Variants in COL1A1 observed in about 807,000 individuals in gnomAD.
The protein encoded by COL1A1 is collagen type I alpha 1 chain, also known as collagen alpha-1(I) chain.
Under a neutral mutation model 195.7 loss-of-function variants are expected in COL1A1, and 21 were observed. The ratio of observed to expected loss-of-function variants is 0.11; its 90% CI spans 0.08 to 0.15. The LOEUF (loss-of-function observed/expected upper bound fraction) is 0.15. Among genes scored for constraint, COL1A1 ranks in the 10% least tolerant of loss-of-function variants. The pLI is 1.00. For missense variants in COL1A1, 1,365 were observed against 2,051.0 expected, an observed-to-expected ratio of 0.67 and a Z score of 6.46; for synonymous variants, 749 against 747.3, an observed-to-expected ratio of 1.00 and a Z score of -0.04.
In COL1A1 at chr17:50,195,844, C is replaced by A. The variant is rs958399216; in HGVS notation, c.1056+79G>T. Reference sequence around the variant, plus strand: ...GGGCTGCTCTCTTGCCACTCTGGGTCCCTTTGGTTTGGGGAACAGGGAGAC... The same window carrying A: ...GGGCTGCTCTCTTGCCACTCTGGGTACCTTTGGTTTGGGGAACAGGGAGAC... On this transcript the variant is annotated intron_variant, in intron 16 of 50. Coordinates refer to ENST00000225964, the MANE Select transcript of COL1A1 (RefSeq NM_000088.4). This position sits in a 1 kb window ranked among gnomAD's most constrained non-coding sequence, Gnocchi z 4.3. The A allele has an allele frequency of 2.0e-6, 3 of 1,513,910 alleles. No individual in the cohort carries two copies. The highest frequency in any genetic ancestry group is 3.9e-5 in the Admixed American group (2 of 51,004). 93.8% of individuals were successfully genotyped at this position (1,513,910 alleles called of 1,614,324 possible).
At chr17:50,201,280 G>C (rs1220116858) in intron 1 of COL1A1, 131 bp downstream of exon 1, 2 of 865,390 alleles carry the variant, frequency 2.3e-6, no homozygotes, top group Admixed American at 2.0e-5. Context: ...CGCCGAGGAA[G>C]AGCCCTCATC....
rs41316667 is a variant in COL1A1 at position 50,192,994 on chromosome 17, G to A, written c.1821C>T (p.Val607=). Residue 607 remains valine (V), a splice_region_variant and synonymous_variant, in exon 26 of 51, where the codon GTC becomes GTT. Coordinates refer to ENST00000225964, the MANE Select transcript of COL1A1 (RefSeq NM_000088.4). ...GTAGGGATGGAAAGGAGATACTTAC[G>A]ACAGCGCCAGGGGGTCCGGGAACAC... ...ERGVPGPPGA[V]GPAGKDGEAG... is the part of the protein sequence containing the mutation. 2,206 of 1,613,670 alleles carry A rather than the reference G, an allele frequency of 1.4e-3. 29 individuals carry two copies. The African/African-American group carries it at 0.025, about 19-fold the overall frequency.
Position 50,186,193 on chromosome 17 carries a change from C to G in COL1A1, c.4005+124G>C. 1 of 1,520,732 alleles carries G rather than the reference C, an allele frequency of 6.6e-7. No homozygotes were observed. Among genetic ancestry groups the G allele is most frequent in the Non-Finnish European group, 9.0e-7 (1 of 1,111,198 alleles). The allele number at this position is 1,520,732 out of a possible 1,614,324, so 94.2% of individuals were successfully genotyped here. ...TGAACCACTATCAGGGACCTGAGAC[C>G]CCTGCCTCCCAGCCCAGCTCTGTCC... On this transcript the variant is annotated intron_variant, in intron 49 of 50. Transcript: ENST00000225964. The surrounding 1 kb of genome is among the most constrained non-coding windows in gnomAD (Gnocchi z 5.3).
At chr17:50,196,419 C>G (rs1305702839) in intron 13 of COL1A1, 52 bp from the exon 14 acceptor site, 3 of 1,613,980 alleles carry the variant, frequency 1.9e-6, no homozygotes, top group Non-Finnish European at 2.5e-6. Context: ...GCCTTGTTCC[C>G]CCAGGCCTCC....
At chr17:50,196,231 C>T in intron 14 of COL1A1, 32 bp from the exon 15 acceptor site, 1 of 1,613,752 alleles carries the variant, frequency 6.2e-7, no homozygotes, top group Non-Finnish European at 8.5e-7. Context: ...CCGTTAAGTC[C>T]ACTGAGCACT....
rs1459362591 is a variant in COL1A1 at position 50,190,755 on chromosome 17, G to A, written c.2343+62C>T. 40 of 1,533,446 alleles carry A rather than the reference G, an allele frequency of 2.6e-5. No homozygotes were observed. Among genetic ancestry groups the A allele is most frequent in the African/African-American group, 1.8e-4 (13 of 73,244 alleles). The allele number at this position is 1,533,446 out of a possible 1,614,324, so 95.0% of individuals were successfully genotyped here. A position where few individuals can be genotyped will look rare whatever the true frequency, so the allele number is the denominator to read the frequency against. The stretch of plus-strand genomic sequence containing the variant: ...TCTCCCAACGCAACCCCACGGAACC[G>A]TGCCCAGGCCTGCTGAGGAGGCTAT... On this transcript the variant is annotated intron_variant, in intron 33 of 50. Coordinates refer to ENST00000225964, the MANE Select transcript of COL1A1 (RefSeq NM_000088.4). The surrounding 1 kb of genome is among the most constrained non-coding windows in gnomAD (Gnocchi z 4.7).
At chr17:50,187,739 A>T in intron 45 of COL1A1, 137 bp downstream of exon 45, 2 of 966,670 alleles carry the variant, frequency 2.1e-6, no homozygotes, top group East Asian at 2.5e-5. Flanking sequence ...CTACTTGGAC[A>T]TGCCCACAAA....
At chr17:50,193,439 C>A in intron 25 of COL1A1, 1 of 327,408 alleles carries the variant, frequency 3.1e-6, no homozygotes, top group Non-Finnish European at 5.6e-6. Context: ...GAGCAGTGGT[C>A]ATGGAGCCTG....
Position 50,188,536 on chromosome 17 carries a change from A to T in COL1A1, c.3201T>A (p.Gly1067=). 6.2e-7 allele frequency: 1 copy of T among 1,614,006 alleles called. No individual in the cohort carries two copies. Among genetic ancestry groups the T allele is most frequent in the Non-Finnish European group, 8.5e-7 (1 of 1,179,980 alleles). ...CTGGAGCCCAGCTACTTACAGTCTC[A>T]CCACGATCACCACTCTTGCCAGCAG... ...VGPAGKSGDR[G]ETGPAGPAGP... Residue 1067 remains glycine, a synonymous_variant, in exon 43 of 51, where the codon GGT becomes GGA. Coordinates refer to ENST00000225964, the MANE Select transcript of COL1A1 (RefSeq NM_000088.4). This position sits in a 1 kb window ranked among gnomAD's most constrained non-coding sequence, Gnocchi z 5.6.
At chr17:50,200,049 C>T in intron 1 of COL1A1, 102 bp from the exon 2 acceptor site, 5 of 1,210,234 alleles carry the variant, frequency 4.1e-6, no homozygotes, top group Non-Finnish European at 6.1e-6. Flanking sequence ...TTTCACTTCC[C>T]GCCCCTCCCC....
At chr17:50,199,381 A>G in intron 4 of COL1A1, 37 bp downstream of exon 4, 1 of 1,612,322 alleles carries the variant, frequency 6.2e-7, no homozygotes, top group Non-Finnish European at 8.5e-7. Context: ...AGCCATGCCC[A>G]CCTGCAGCCC....
intron 25 of COL1A1, chr17:50,193,568 A>C (rs1598294643): frequency 3.3e-6 from 1 of 306,004 alleles, no homozygotes; most frequent in African/African-American, 2.5e-5. Flanking sequence ...TGCAACCTCC[A>C]CCTCCCGGGT....
chr17:50,187,616 G>T, intron 45 of COL1A1, 79 bp from the exon 46 acceptor site: 1 of 1,462,836 alleles, frequency 6.8e-7, no homozygotes, highest in Non-Finnish European at 9.6e-7. Flanking sequence ...AGAGACAAGG[G>T]CAGTGTGGGC....
chr17:50,187,665 G>A, intron 45 of COL1A1, 128 bp from the exon 46 acceptor site: 1 of 1,103,076 alleles, frequency 9.1e-7, no homozygotes, highest in Non-Finnish European at 1.4e-6. Flanking sequence ...TCTAGCCCGA[G>A]GGTGTCCATA....
At position 50,190,719 on chromosome 17, in the gene COL1A1, G is replaced by T; in HGVS notation, c.2343+98C>A. 1 of 1,478,234 alleles carries T rather than the reference G, an allele frequency of 6.8e-7. No individual in the cohort carries two copies. The highest frequency in any genetic ancestry group is 9.4e-7 in the Non-Finnish European group (1 of 1,061,732). The allele number at this position is 1,478,234 out of a possible 1,614,324, so 91.6% of individuals were successfully genotyped here. The stretch of plus-strand genomic sequence containing the variant: ...GTTCCCAGGTTGACAGCTCAGTTTG[G>T]CAGGACCTGCTCTCCCAACGCAACC... On this transcript the variant is annotated intron_variant, in intron 33 of 50. Coordinates refer to ENST00000225964, the MANE Select transcript of COL1A1 (RefSeq NM_000088.4). The surrounding 1 kb of genome is among the most constrained non-coding windows in gnomAD (Gnocchi z 4.7).
At chr17:50,193,650 C>G in intron 25 of COL1A1, 1 of 399,438 alleles carries the variant, frequency 2.5e-6, no homozygotes, top group Non-Finnish European at 4.8e-6. Flanking sequence ...CCCAGCTAAT[C>G]TTTTGTATTT....
chr17:50,192,283 AAAG>A (rs1361167871), intron 29 of COL1A1, 189 bp downstream of exon 29: 2 of 754,774 alleles, frequency 2.6e-6, no homozygotes, highest in Non-Finnish European at 4.5e-6. Flanking sequence ...GCAGCTCTTA[AAAG>A]AAGTCACCCA....
chr17:50,187,604 G>T, intron 45 of COL1A1, 67 bp from the exon 46 acceptor site: 1 of 1,552,830 alleles, frequency 6.4e-7, no homozygotes, highest in South Asian at 1.1e-5. Flanking sequence ...GGGCCTGGCT[G>T]GAGAGACAAG....
chr17:50,188,788 G>A lies in COL1A1; in HGVS notation c.3053C>T (p.Pro1018Leu). ...TCGTCCAGGGGAACCTTCGGCACCA[G>A]GAGCCCCCTGCAGAGAGAGAGAGAG... The part of the protein sequence containing the change: ...PPGESGREGA[P>L]GAEGSPGRDG... Residue 1018 changes from proline to leucine, a missense_variant, in exon 42 of 51, where the codon CCT becomes CTT. By Grantham distance (98) the Pro-to-Leu change is moderately conservative. Coordinates refer to ENST00000225964, the MANE Select transcript of COL1A1 (RefSeq NM_000088.4). The surrounding 1 kb of genome is among the most constrained non-coding windows in gnomAD (Gnocchi z 5.6). 1.2e-6 allele frequency: 2 copies of A among 1,614,038 alleles called. No individual in the cohort carries two copies. The highest frequency in any genetic ancestry group is 1.7e-6 in the Non-Finnish European group (2 of 1,179,982).
Sources: allele counts gnomAD v4.1 joint callset, GRCh38; gene constraint gnomAD v4.1.1; non-coding constraint Gnocchi (gnomAD v3.1); transcripts MANE v1.5; gene names NCBI Gene and HGNC (gene_info 2026-07-23, HGNC 2026-07-21).